HEYL: variants seen among roughly 807,000 people sequenced by gnomAD.
The protein encoded by HEYL is hes related family bHLH transcription factor with YRPW motif like.
In HEYL, 12 loss-of-function variants were observed where a neutral mutation model predicts 18.6. The ratio of observed to expected loss-of-function variants is 0.65; its 90% CI spans 0.41 to 1.05. The LOEUF (loss-of-function observed/expected upper bound fraction) is 1.05. Ranked by LOEUF, HEYL falls within the 50% of genes least tolerant of loss-of-function variation. The pLI is 0.00. For missense variants in HEYL, 420 were observed against 444.7 expected, an observed-to-expected ratio of 0.94 and a Z score of 0.50; for synonymous variants, 159 against 179.6, an observed-to-expected ratio of 0.89 and a Z score of 0.91.
rs1367182165 is a variant in HEYL at position 39,626,546 on chromosome 1, G to A, written c.948C>T (p.His316=). ...AGRPAGAMLY[H]SWVSEITEIG... ...TTTCAGTGATTTCAGAGACCCAGGA[G>A]TGGTAGAGCATGGCTCCCGCTGGCC... Residue 316 remains histidine (H), a synonymous_variant, in exon 5 of 5, where the codon CAC becomes CAT. Coordinates refer to ENST00000372852, the MANE Select transcript of HEYL (RefSeq NM_014571.4). The A allele has an allele frequency of 3.9e-6, 6 of 1,548,224 alleles. No homozygotes were observed. The highest frequency in any genetic ancestry group is 5.2e-6 in the Non-Finnish European group (6 of 1,145,916).
intron 1 of HEYL, chr1:39,633,111 T>A: frequency 1.0e-6 from 1 of 983,682 alleles, no homozygotes; most frequent in South Asian, 4.7e-5. Context: ...GGAACGAGCG[T>A]GGAAAGAGCA....
At position 39,626,235 on chromosome 1, in the gene HEYL, T is replaced by G; in HGVS notation, c.*272A>C. The G allele has an allele frequency of 2.6e-6, 1 of 391,944 alleles. No individual in the cohort carries two copies. Among genetic ancestry groups the G allele is most frequent in the Non-Finnish European group, 4.5e-6 (1 of 220,574 alleles). 24.3% of individuals were successfully genotyped at this position (391,944 alleles called of 1,614,324 possible). On this transcript the variant is annotated 3_prime_UTR_variant, in exon 5 of 5. Coordinates refer to ENST00000372852, the MANE Select transcript of HEYL (RefSeq NM_014571.4). ...GGCAGGAGAGGGGTCTGGGCGGATC[T>G]CTGAGGGTCTCTCCCAGGACTCATC...
chr1:39,630,262 T>A lies in HEYL; in HGVS notation c.278A>T (p.Asp93Val). 6.2e-7 allele frequency: 1 copy of A among 1,614,076 alleles called. No individual in the cohort carries two copies. Among genetic ancestry groups the A allele is most frequent in the Non-Finnish European group, 8.5e-7 (1 of 1,180,006 alleles). The change falls in exon 4 of 5, where the codon GAT becomes GTT. Residue 93 changes from aspartate (D) to valine (V), a missense_variant. Physicochemically the swap from Asp to Val is radical, Grantham distance 152. Coordinates refer to ENST00000372852, the MANE Select transcript of HEYL (RefSeq NM_014571.4). ...EKAEVLQMTV[D>V]HLKMLHATGG... ...AGTGGCATGGAGCATTTTCAAGTGA[T>A]CCACCGTCATCTGCAAGACCTCGGC...
rs143476012 is a variant in HEYL at position 39,626,977 on chromosome 1, G to A, written c.517C>T (p.Pro173Ser). ...TGGAAGAAAGACCAGGGCCAGGCAG[G>A]GAAGGCCAAAGGGCCAGTGGGCGTG... ...SPTPTGPLAF[P>S]AWPWSFFHSC... Residue 173 changes from proline to serine, a missense_variant, in exon 5 of 5, where the codon CCT (proline) becomes TCT (serine). Coordinates refer to ENST00000372852, the MANE Select transcript of HEYL (RefSeq NM_014571.4). 6.9e-5 allele frequency: 112 copies of A among 1,614,054 alleles called. No homozygotes were observed. Among genetic ancestry groups the A allele is most frequent in the Non-Finnish European group, 9.5e-5 (112 of 1,180,006 alleles).
chr1:39,639,458 G>T, intron 1 of HEYL, 88 bp downstream of exon 1: 2 of 1,132,856 alleles, frequency 1.8e-6, no homozygotes, highest in Non-Finnish European at 2.5e-6. Flanking sequence ...GGTGCTGGAG[G>T]GCTGGCCCGC....
At chr1:39,627,226 G>C (rs773429077) in intron 4 of HEYL, 46 bp from the exon 5 acceptor site, 1 of 1,545,504 alleles carries the variant, frequency 6.5e-7, no homozygotes, top group East Asian at 2.3e-5. Flanking sequence ...GTGGGGAGAA[G>C]CATGGAGCCT....
At chr1:39,635,385 AGCCTTGCACACGTCACT>A (rs1646357125) in intron 1 of HEYL, among the ~76,000 whole-genome samples, 1 of 152,236 alleles carries the variant, frequency 6.6e-6, no homozygotes, top group Non-Finnish European at 1.5e-5. Flanking sequence ...GTATTAGGTT[AGCCTTGCACACGTCACT>A]GCCTCTCAGC....
At chr1:39,635,076 A>G (rs1646355521) in intron 1 of HEYL, among the ~76,000 whole-genome samples, 1 of 152,256 alleles carries the variant, frequency 6.6e-6, no homozygotes, top group South Asian at 2.1e-4. Flanking sequence ...GTTGCAGAAG[A>G]GACCAGATAG....
chr1:39,637,752 C>T (rs1407020682), intron 1 of HEYL, among the ~76,000 whole-genome samples: 1 of 152,234 alleles, frequency 6.6e-6, no homozygotes, highest in Non-Finnish European at 1.5e-5. Context: ...TCCTTTATGC[C>T]TCATGTAAGC....
chr1:39,636,003 G>T (rs989847172), intron 1 of HEYL, among the ~76,000 whole-genome samples: 8 of 152,156 alleles, frequency 5.3e-5, no homozygotes, highest in South Asian at 4.1e-4. Flanking sequence ...GGTCTCTTAT[G>T]GGGGGAAGCT....
At chr1:39,639,233 T>C (rs1388640627) in intron 1 of HEYL, among the ~76,000 whole-genome samples, 2 of 152,162 alleles carry the variant, frequency 1.3e-5, no homozygotes. Context: ...AGGGAAAACC[T>C]GCCAATGGCC....
At chr1:39,628,742 C>T (rs1282036594) in intron 4 of HEYL, among the ~76,000 whole-genome samples, 2 of 152,070 alleles carry the variant, frequency 1.3e-5, no homozygotes, top group Non-Finnish European at 2.9e-5. Context: ...GGACTACAGG[C>T]GCCCACCACC....
At position 39,625,713 on chromosome 1, in the gene HEYL, C is replaced by T. The variant is rs1029181979; in HGVS notation, c.*794G>A. ...GGCTCTCCATTGCTCAACCCTGGCT[C>T]CTGTCTGGGAGAGCTGTCCAAGGCC... On this transcript the variant is annotated 3_prime_UTR_variant, in exon 5 of 5. Transcript: ENST00000372852. 1.3e-5 allele frequency: 2 copies of T among 152,518 alleles called. No individual in the cohort carries two copies. Among genetic ancestry groups the T allele is most frequent in the Non-Finnish European group, 2.9e-5 (2 of 68,290 alleles). 9.4% of individuals were successfully genotyped at this position (152,518 alleles called of 1,614,324 possible). A position where few individuals can be genotyped will look rare whatever the true frequency, so the allele number is the denominator to read the frequency against.
At chr1:39,637,563 G>A (rs1185542444) in intron 1 of HEYL, among the ~76,000 whole-genome samples, 3 of 152,230 alleles carry the variant, frequency 2.0e-5, no homozygotes, top group Non-Finnish European at 4.4e-5. Flanking sequence ...AAGCATTGAT[G>A]TCTGCTGGGG....
At chr1:39,629,296 G>T (rs1369048354) in intron 4 of HEYL, among the ~76,000 whole-genome samples, 1 of 152,174 alleles carries the variant, frequency 6.6e-6, no homozygotes, top group African/African-American at 2.4e-5. Flanking sequence ...TCCCCCATTG[G>T]TTCATTAGAG....
chr1:39,628,667 G>A (rs750768309), intron 4 of HEYL, among the ~76,000 whole-genome samples: 4 of 151,988 alleles, frequency 2.6e-5, no homozygotes, highest in South Asian at 2.1e-4. Flanking sequence ...GTGCGATCTC[G>A]ACTCACTGAA....
intron 1 of HEYL, chr1:39,632,967 C>T: frequency 1.0e-6 from 1 of 983,254 alleles, no homozygotes; most frequent in Non-Finnish European, 1.2e-6. Flanking sequence ...TCGCGGCGGC[C>T]GTCGGGGAAC....
At chr1:39,633,160 C>A (rs1646344469) in intron 1 of HEYL, 6 of 973,446 alleles carry the variant, frequency 6.2e-6, no homozygotes, top group Non-Finnish European at 7.3e-6. Flanking sequence ...CGCCGGCCGC[C>A]CGCCCTCCGC....
chr1:39,633,097 G>T (rs2124118100), intron 1 of HEYL: 3 of 983,582 alleles, frequency 3.1e-6, no homozygotes, highest in South Asian at 4.7e-5. Context: ...AGAGGGAGCC[G>T]CTGGGAACGA....
Sources: allele counts gnomAD v4.1 joint callset (sites outside exome capture counted in the v4.1 genomes callset), GRCh38; gene constraint gnomAD v4.1.1; transcripts MANE v1.5; gene names NCBI Gene and HGNC (gene_info 2026-07-23, HGNC 2026-07-21).